Variants in FAM135B observed in about 807,000 individuals in gnomAD.
FAM135B encodes protein FAM135B.
A neutral mutation model predicts 127.7 loss-of-function variants in FAM135B; 43 were observed. That is an observed-to-expected ratio of 0.34 (90% CI 0.26 to 0.43). The LOEUF (loss-of-function observed/expected upper bound fraction) is 0.43. Among genes scored for constraint, FAM135B ranks in the 20% least tolerant of loss-of-function variants. The pLI, the probability that FAM135B is intolerant of heterozygous loss-of-function variation, is 1.00. For synonymous variants in FAM135B, 670 were observed against 665.1 expected (o/e 1.01, Z -0.11); for missense variants, 1,558 against 1,725.6 (o/e 0.90, Z 1.72).
At chr8:138,335,058 C>T (rs1828465736) in intron 2 of FAM135B, among the ~76,000 whole-genome samples, 1 of 152,104 alleles carries the variant, frequency 6.6e-6, no homozygotes, top group Non-Finnish European at 1.5e-5. Context: ...TTTTCTTATT[C>T]TGCATTTTCT....
chr8:138,162,312 A>T (rs967152947), intron 12 of FAM135B, among the ~76,000 whole-genome samples: 1 of 152,234 alleles, frequency 6.6e-6, no homozygotes, highest in Non-Finnish European at 1.5e-5. Flanking sequence ...AAATAGGCTA[A>T]GCACAGAGGA....
chr8:138,286,474 C>T (rs577154307), intron 3 of FAM135B, among the ~76,000 whole-genome samples: 4 of 152,318 alleles, frequency 2.6e-5, no homozygotes, highest in Non-Finnish European at 5.9e-5. Flanking sequence ...CTTTTATCCA[C>T]GTATAGACGG....
At chr8:138,137,071 T>C (rs886658521) in intron 19 of FAM135B, 76 bp downstream of exon 19, 7 of 796,300 alleles carry the variant, frequency 8.8e-6, no homozygotes, top group African/African-American at 3.4e-5. Context: ...GTGTTCCCAA[T>C]AGGCAGTCAA....
chr8:138,381,325 G>A (rs949913708), intron 1 of FAM135B, among the ~76,000 whole-genome samples: 5 of 151,912 alleles, frequency 3.3e-5, no homozygotes, highest in African/African-American at 1.2e-4. Context: ...TCCACTGGAG[G>A]GCCCACCTTG....
At chr8:138,352,850 A>G (rs1004415664) in intron 2 of FAM135B, among the ~76,000 whole-genome samples, 1 of 152,204 alleles carries the variant, frequency 6.6e-6, no homozygotes, top group African/African-American at 2.4e-5. Flanking sequence ...TAACCCCAAC[A>G]TCTCAGAAAC....
chr8:138,375,433 G>C (rs541134632), intron 1 of FAM135B, among the ~76,000 whole-genome samples: 133 of 152,058 alleles, frequency 8.7e-4, no homozygotes, highest in Non-Finnish European at 1.6e-3. Context: ...TTTTGGGATA[G>C]ACCAGCCAGG....
chr8:138,479,477 T>C lies in FAM135B; in HGVS notation c.-20+17194A>G, dbSNP rs1814682896. On this transcript the variant is annotated intron_variant, in intron 1 of 19. Coordinates refer to ENST00000395297, the MANE Select transcript of FAM135B (RefSeq NM_015912.4). ...AATTCAGACAATGTTGATAGAGGCT[T>C]GTTATGAATCACAAAAGTTGCTACT... Among the ~76,000 whole-genome samples the C allele has an allele frequency of 3.3e-5, 5 of 152,200 alleles. No homozygotes were observed. In the South Asian group the frequency reaches 1.0e-3, roughly 32 times the overall value.
intron 1 of FAM135B, among the ~76,000 whole-genome samples, chr8:138,404,702 T>C (rs1355402566): frequency 6.6e-6 from 1 of 152,140 alleles, no homozygotes; most frequent in Non-Finnish European, 1.5e-5. Context: ...GACACCACTT[T>C]CTTTGCTCGC....
intron 1 of FAM135B, among the ~76,000 whole-genome samples, chr8:138,378,301 G>T (rs183267218): frequency 1.1e-4 from 17 of 152,304 alleles, no homozygotes; most frequent in African/African-American, 3.8e-4. Flanking sequence ...GAGACCCACT[G>T]GGTCAGCCTT....
intron 9 of FAM135B, 107 bp from the exon 10 acceptor site, chr8:138,178,797 T>G (rs1003927442): frequency 1.7e-5 from 15 of 857,370 alleles, no homozygotes; most frequent in Non-Finnish European, 2.8e-5. Flanking sequence ...TAAAGCACTC[T>G]CCTTTCTCTG....
chr8:138,361,843 G>A (rs938211475), intron 2 of FAM135B, among the ~76,000 whole-genome samples: 7 of 152,020 alleles, frequency 4.6e-5, no homozygotes, highest in Non-Finnish European at 5.9e-5. Context: ...ATTTCACTCC[G>A]AGACATCTGT....
chr8:138,404,275 TA>T (rs970898043), intron 1 of FAM135B, among the ~76,000 whole-genome samples: 5 of 152,254 alleles, frequency 3.3e-5, no homozygotes, highest in South Asian at 2.1e-4. Context: ...TATGTTTAAT[TA>T]AAAAAATGCA....
Position 138,497,113 on chromosome 8 carries a change from G to T in FAM135B, c.-462C>A, listed in dbSNP as rs1038441203. On this transcript the variant is annotated 5_prime_UTR_variant, in exon 1 of 20. Transcript: ENST00000395297. ...CTCCCGGGCTGCGCTCACCTCTGGC[G>T]CCCTCACTCCTCTCCTTCCTCCGCC... 6.6e-6 allele frequency among the ~76,000 whole-genome samples: 1 copy of T among 151,550 alleles called. No homozygotes were observed. Among genetic ancestry groups the T allele is most frequent in the Non-Finnish European group, 1.5e-5 (1 of 67,836 alleles).
At chr8:138,404,235 T>C (rs1211856913) in intron 1 of FAM135B, among the ~76,000 whole-genome samples, 1 of 152,186 alleles carries the variant, frequency 6.6e-6, no homozygotes, top group African/African-American at 2.4e-5. Flanking sequence ...GTTCGCACTA[T>C]AATGTAGTCT....
chr8:138,473,688 T>C (rs1269912881), intron 1 of FAM135B, among the ~76,000 whole-genome samples: 4 of 152,194 alleles, frequency 2.6e-5, no homozygotes, highest in Non-Finnish European at 5.9e-5. Context: ...ATGAGAATAA[T>C]GCACTGGTAA....
chr8:138,485,584 T>G (rs956933854), intron 1 of FAM135B, among the ~76,000 whole-genome samples: 3 of 152,194 alleles, frequency 2.0e-5, no homozygotes, highest in Non-Finnish European at 4.4e-5. Flanking sequence ...TATCATTATT[T>G]TAGAGATAAA....
intron 7 of FAM135B, among the ~76,000 whole-genome samples, chr8:138,207,276 GGTATAA>G (rs1817770912): frequency 1.4e-5 from 2 of 148,034 alleles, no homozygotes; most frequent in Non-Finnish European, 3.0e-5. Context: ...GGAGCTCAGT[GGTATAA>G]TTTCAGCCCA....
At chr8:138,216,216 A>G (rs1362233522) in intron 7 of FAM135B, among the ~76,000 whole-genome samples, 1 of 152,154 alleles carries the variant, frequency 6.6e-6, no homozygotes, top group East Asian at 1.9e-4. Flanking sequence ...CTAAATAACT[A>G]CAATAACAAT....
intron 2 of FAM135B, among the ~76,000 whole-genome samples, chr8:138,331,517 A>G (rs990795837): frequency 6.6e-6 from 1 of 152,210 alleles, no homozygotes; most frequent in African/African-American, 2.4e-5. Flanking sequence ...CAAGCCGTAC[A>G]GTAAAACAGT....
Sources: gnomAD v4.1 joint callset for allele counts (sites outside exome capture counted in the v4.1 genomes callset) on GRCh38, gnomAD v4.1.1 for gene constraint, MANE v1.5 for transcripts, NCBI Gene and HGNC (gene_info 2026-07-23, HGNC 2026-07-21) for gene names.